The following SLC24A2 variants were observed in gnomAD, a reference collection of about 807,000 sequenced individuals.
The protein encoded by SLC24A2 is solute carrier family 24 member 2.
In SLC24A2, 36 loss-of-function variants were observed where a neutral mutation model predicts 62.0. That is an observed-to-expected ratio of 0.58 (90% CI 0.44 to 0.77). The LOEUF (loss-of-function observed/expected upper bound fraction) is 0.77, where lower values mean the gene tolerates loss of function less well. Among genes scored for constraint, SLC24A2 ranks in the 30% least tolerant of loss-of-function variants. The pLI, the probability that SLC24A2 is intolerant of heterozygous loss-of-function variation, is 0.00. For missense variants in SLC24A2, 846 were observed against 817.9 expected (o/e 1.03, Z -0.42); for synonymous variants, 358 against 294.0 (o/e 1.22, Z -2.23).
intron 2 of SLC24A2, among the ~76,000 whole-genome samples, chr9:19,724,325 A>G (rs545401103): frequency 6.6e-6 from 1 of 152,352 alleles, no homozygotes. Context: ...ATGCTTCTAC[A>G]CAGCAGCATG....
intron 4 of SLC24A2, among the ~76,000 whole-genome samples, chr9:19,606,068 A>G (rs1250870958): frequency 2.0e-5 from 3 of 152,322 alleles, no homozygotes; most frequent in East Asian, 3.9e-4. Flanking sequence ...AACTCCTAGA[A>G]TCAGGTCTTC....
rs556377714 is a variant in SLC24A2, at chr9:19,729,828, A to T, written c.930+56109T>A. Among the ~76,000 whole-genome samples the T allele has an allele frequency of 1.2e-3, 176 of 152,270 alleles. 1 individual carries two copies. Among genetic ancestry groups the T allele is most frequent in the Non-Finnish European group, 2.0e-3 (133 of 68,012 alleles). ...CTCAACTATAGAATGCCTATAGTTA[A>T]AAATATGTTAGATAGTTTCAAGTAG... On this transcript the variant is annotated intron_variant, in intron 2 of 10. Coordinates refer to ENST00000341998, the MANE Select transcript of SLC24A2 (RefSeq NM_020344.4).
chr9:19,739,363 AAATTT>A (rs1328643606), intron 2 of SLC24A2, among the ~76,000 whole-genome samples: 2 of 152,222 alleles, frequency 1.3e-5, no homozygotes, highest in African/African-American at 4.8e-5. Flanking sequence ...ATTTATTTGA[AAATTT>A]AAAAGGCCAA....
At chr9:20,106,005 A>G in the SLC24A2 span, among the ~76,000 whole-genome samples, 2 of 152,250 alleles carry the variant, frequency 1.3e-5, no homozygotes, top group Non-Finnish European at 2.9e-5. Context: ...ATAAAAAATG[A>G]TAAAGGGAAT....
intron 8 of SLC24A2, among the ~76,000 whole-genome samples, chr9:19,534,114 G>A (rs567672864): frequency 1.7e-4 from 26 of 152,098 alleles, no homozygotes; most frequent in Non-Finnish European, 3.5e-4. Flanking sequence ...GAAAAAATTC[G>A]GTCCAGAGTT....
the SLC24A2 span, among the ~76,000 whole-genome samples, chr9:20,024,370 T>C: frequency 6.6e-6 from 1 of 152,100 alleles, no homozygotes; most frequent in South Asian, 2.1e-4. Flanking sequence ...CACACACACA[T>C]AGGCAGTGGG....
chr9:19,871,172 A>T, the SLC24A2 span, among the ~76,000 whole-genome samples: 2 of 152,128 alleles, frequency 1.3e-5, no homozygotes, highest in East Asian at 1.9e-4. Context: ...TCTTTTCTCC[A>T]TTCTTTGAAC....
chr9:19,545,839 G>A (rs1285585320), intron 8 of SLC24A2, among the ~76,000 whole-genome samples: 1 of 151,998 alleles, frequency 6.6e-6, no homozygotes, highest in South Asian at 2.1e-4. Context: ...GGGTTTCACT[G>A]TGTTAGCCAG....
the SLC24A2 span, among the ~76,000 whole-genome samples, chr9:19,843,226 C>T: frequency 2.0e-5 from 3 of 152,210 alleles, no homozygotes; most frequent in South Asian, 2.1e-4. Flanking sequence ...TTGGGCCAGG[C>T]GCAGTGGCTT....
intron 2 of SLC24A2, among the ~76,000 whole-genome samples, chr9:19,746,450 T>C (rs1821835027): frequency 6.6e-6 from 1 of 152,118 alleles, no homozygotes; most frequent in Admixed American, 6.6e-5. Flanking sequence ...CTAGTGCAGA[T>C]AGCATGTGGA....
the SLC24A2 span, among the ~76,000 whole-genome samples, chr9:19,899,006 C>A: frequency 2.0e-5 from 3 of 152,176 alleles, no homozygotes; most frequent in Admixed American, 1.3e-4. Context: ...CCACTAGGCA[C>A]AGACACCACA....
chr9:20,048,923 T>C, the SLC24A2 span, among the ~76,000 whole-genome samples: 1 of 151,526 alleles, frequency 6.6e-6, no homozygotes, highest in East Asian at 1.9e-4. Context: ...TATTTATGTA[T>C]TTTTTATTTA....
chr9:20,062,858 A>G, the SLC24A2 span, among the ~76,000 whole-genome samples: 1 of 127,174 alleles, frequency 7.9e-6, no homozygotes, highest in Non-Finnish European at 1.6e-5. Context: ...TCTCAAAAGA[A>G]GACATTTATG....
At chr9:20,173,532 C>T in the SLC24A2 span, among the ~76,000 whole-genome samples, 1 of 152,144 alleles carries the variant, frequency 6.6e-6, no homozygotes, top group Admixed American at 6.5e-5. Context: ...TCCTATACAC[C>T]AACAGTGACC....
At chr9:20,237,604 T>C in the SLC24A2 span, among the ~76,000 whole-genome samples, 1 of 152,228 alleles carries the variant, frequency 6.6e-6, no homozygotes, top group Non-Finnish European at 1.5e-5. Flanking sequence ...TTGGGAATGA[T>C]GTGCATTTCT....
chr9:20,155,666 C>T, the SLC24A2 span, among the ~76,000 whole-genome samples: 1 of 151,600 alleles, frequency 6.6e-6, no homozygotes, highest in South Asian at 2.1e-4. Flanking sequence ...GAAAATTAAG[C>T]AAAATAGGAG....
intron 10 of SLC24A2, among the ~76,000 whole-genome samples, chr9:19,517,957 A>ACACACTCT (rs71504202): frequency 5.9e-5 from 8 of 135,480 alleles, no homozygotes; most frequent in African/African-American, 2.2e-4. Context: ...ACACACACAC[A>ACACACTCT]CTCTCACACT....
intron 2 of SLC24A2, among the ~76,000 whole-genome samples, chr9:19,732,745 C>T (rs1343192857): frequency 3.3e-5 from 5 of 152,116 alleles, no homozygotes; most frequent in African/African-American, 7.2e-5. Context: ...TGTCTCAGGG[C>T]AGACCATGAA....
intron 2 of SLC24A2, among the ~76,000 whole-genome samples, chr9:19,724,723 T>C (rs1173151676): frequency 2.6e-5 from 4 of 152,218 alleles, no homozygotes; most frequent in Admixed American, 2.6e-4. Flanking sequence ...GAAAAATTCA[T>C]TCTTAGTTTA....
Sources: gnomAD v4.1 joint callset for allele counts (sites outside exome capture counted in the v4.1 genomes callset) on GRCh38, gnomAD v4.1.1 for gene constraint, MANE v1.5 for transcripts, NCBI Gene and HGNC (gene_info 2026-07-23, HGNC 2026-07-21) for gene names.